Variants in MAP3K15 observed in about 807,000 individuals in gnomAD.
MAP3K15 encodes MAPK/ERK kinase kinase 15.
MAP3K15 carries 124 observed loss-of-function variants against 99.5 expected under a neutral mutation model. The ratio of observed to expected loss-of-function variants is 1.25; its 90% CI spans 1.08 to 1.45. The LOEUF (loss-of-function observed/expected upper bound fraction) is 1.45. Ranked by LOEUF, MAP3K15 falls within the 40% of genes most tolerant of loss-of-function variation. The pLI, the probability that MAP3K15 is intolerant of heterozygous loss-of-function variation, is 0.00. For synonymous variants in MAP3K15, 494 were observed against 439.6 expected (o/e 1.12, Z -1.55); for missense variants, 1,242 against 1,079.7 (o/e 1.15, Z -2.11).
rs1326391653 is a variant in MAP3K15, at chrX:19,413,465, C to G, written c.1591-1G>C. 1.7e-6 allele frequency: 2 copies of G among 1,182,000 alleles called. No homozygotes were observed. Among genetic ancestry groups the G allele is most frequent in the East Asian group, 6.0e-5 (2 of 33,516 alleles). On this transcript the variant is annotated splice_acceptor_variant, in intron 10 of 28. Coordinates refer to ENST00000338883, the MANE Select transcript of MAP3K15 (RefSeq NM_001001671.4). LOFTEE classifies it high-confidence loss of function. ...CTTTGGTTGGCTCTATGACCAGAACCTGAAACAAGAACAGATGCCTGTTAA... is the reference window on the plus strand; with the variant it reads ...CTTTGGTTGGCTCTATGACCAGAACGTGAAACAAGAACAGATGCCTGTTAA...
intron 6 of MAP3K15, among the ~76,000 whole-genome samples, chrX:19,453,500 CAAAAA>C (rs746362628): frequency 1.5e-5 from 1 of 66,810 alleles, no homozygotes. Context: ...CGTCTCAGGC[CAAAAA>C]AAAAAAAAAA....
chrX:19,419,168 A>G lies in MAP3K15; in HGVS notation c.1440-3911T>C, dbSNP rs186105045. On this transcript the variant is annotated intron_variant, in intron 9 of 28. Coordinates refer to ENST00000338883, the MANE Select transcript of MAP3K15 (RefSeq NM_001001671.4). The stretch of plus-strand genomic sequence containing the variant: ...TAACCAGCTAACATCATAATGACAG[A>G]ATCAAATTCACACATAACAATTTTA... 4.5e-3 allele frequency among the ~76,000 whole-genome samples: 507 copies of G among 111,794 alleles called. 7 individuals are homozygous for G. The highest frequency in any genetic ancestry group is 0.035 in the Admixed American group (365 of 10,459).
Position 19,360,518 on chromosome X carries a change from G to T in MAP3K15, c.*231C>A. On this transcript the variant is annotated 3_prime_UTR_variant, in exon 29 of 29. Transcript: ENST00000338883. ...TACAAGTGAATTTCCTAATATTCCGGGAGGTCAAAACCAAGGCTCACTGTT... is the reference window on the plus strand; with the variant it reads ...TACAAGTGAATTTCCTAATATTCCGTGAGGTCAAAACCAAGGCTCACTGTT... 1 of 312,384 alleles carries T rather than the reference G, an allele frequency of 3.2e-6. No homozygotes were observed. The highest frequency in any genetic ancestry group is 5.6e-6 in the Non-Finnish European group (1 of 178,557). 25.7% of individuals were successfully genotyped at this position (312,384 alleles called of 1,213,427 possible).
chrX:19,458,604 T>G (rs1485211919), intron 5 of MAP3K15, among the ~76,000 whole-genome samples: 1 of 111,840 alleles, frequency 8.9e-6, no homozygotes, highest in Non-Finnish European at 1.9e-5. Flanking sequence ...TGCTTGAACC[T>G]GGGAGTCGGA....
Position 19,515,052 on chromosome X carries a change from G to GCT in MAP3K15, c.208_209dup (p.Ser70ArgfsTer57). The GCT allele has an allele frequency of 1.0e-6, 1 of 994,138 alleles. No individual in the cohort carries two copies. Among genetic ancestry groups the GCT allele is most frequent in the Non-Finnish European group, 1.3e-6 (1 of 759,906 alleles). 81.9% of individuals were successfully genotyped at this position (994,138 alleles called of 1,213,427 possible). On this transcript the variant is annotated frameshift_variant, in exon 1 of 29. Transcript: ENST00000338883. LOFTEE classifies it high-confidence loss of function. ...GGCCGCCGGCCGCGCCGCCCTGGGA[G>GCT]CTCTCACTGCGCACGTATACTGCCC...
At chrX:19,482,786 A>T (rs1164130937) in intron 3 of MAP3K15, among the ~76,000 whole-genome samples, 2 of 106,626 alleles carry the variant, frequency 1.9e-5, no homozygotes, top group Non-Finnish European at 2.0e-5. Flanking sequence ...TCAAAAAAAC[A>T]AAACAAAACC....
chrX:19,445,081 C>T (rs895323471), intron 6 of MAP3K15, among the ~76,000 whole-genome samples: 2 of 111,293 alleles, frequency 1.8e-5, no homozygotes, highest in African/African-American at 6.5e-5. Flanking sequence ...CAACACTATA[C>T]AGCCTCAGTT....
rs66666219 is a variant in MAP3K15 at position 19,461,992 on chromosome X, AACACACACAC to A, written c.720-1849_720-1840del. ...GGCGACAGAGTGAGACTTGGTCTAA[AACACACACAC>A]ACACACACACACACACACACACACA... On this transcript the variant is annotated intron_variant, in intron 4 of 28. Transcript: ENST00000338883. Among the ~76,000 whole-genome samples, 106 of 100,627 alleles carry A rather than the reference AACACACACAC, an allele frequency of 1.1e-3. No homozygotes were observed. The South Asian group carries it at 0.016, about 15-fold the overall frequency. The allele number at this position is 100,627 out of a possible 115,157, so 87.4% of individuals were successfully genotyped here.
Position 19,374,527 on chromosome X carries a change from A to C in MAP3K15, c.2723T>G (p.Leu908Ter). The C allele has an allele frequency of 8.3e-7, 1 of 1,211,405 alleles. No homozygotes were observed. Among genetic ancestry groups the C allele is most frequent in the Non-Finnish European group, 1.1e-6 (1 of 895,374 alleles). The part of the protein sequence containing the change: ...TTAELLREGF[L>*]RQVNKGKKNR... Reference sequence around the variant, plus strand: ...CTTCTTGCCCTTGTTCACCTGCCTTAAGAAACCCTCTCTCAGTAGCTCAGC... The same window carrying C: ...CTTCTTGCCCTTGTTCACCTGCCTTCAGAAACCCTCTCTCAGTAGCTCAGC... Residue 908 changes from leucine to a stop codon, truncating the protein, a stop_gained, in exon 20 of 29, where the codon TTA becomes TGA. Coordinates refer to ENST00000338883, the MANE Select transcript of MAP3K15 (RefSeq NM_001001671.4). LOFTEE classifies it high-confidence loss of function.
At chrX:19,486,030 T>C (rs1287868088) in intron 3 of MAP3K15, among the ~76,000 whole-genome samples, 1 of 111,961 alleles carries the variant, frequency 8.9e-6, no homozygotes, top group Non-Finnish European at 1.9e-5. Flanking sequence ...TAGAATTCCA[T>C]CCCACTTCTT....
chrX:19,400,764 C>T (rs1428195098), intron 13 of MAP3K15, 101 bp from the exon 14 acceptor site: 1 of 529,403 alleles, frequency 1.9e-6, no homozygotes, highest in African/African-American at 2.3e-5. Flanking sequence ...ATAAACCAAA[C>T]TTTTACAAGT....
At chrX:19,500,878 C>A (rs1000609244) in intron 1 of MAP3K15, among the ~76,000 whole-genome samples, 3 of 111,874 alleles carry the variant, frequency 2.7e-5, no homozygotes, top group Non-Finnish European at 3.8e-5. Context: ...AATAACACAG[C>A]CAGTAAGGTA....
chrX:19,390,754 G>A (rs765665789), intron 18 of MAP3K15, among the ~76,000 whole-genome samples: 8 of 104,156 alleles, frequency 7.7e-5, no homozygotes, highest in African/African-American at 2.8e-4. Context: ...CGCTGGTCTT[G>A]CACTGCTGGC....
At chrX:19,381,533 C>CGAAGGCTG (rs1294178022) in intron 18 of MAP3K15, among the ~76,000 whole-genome samples, 3 of 111,961 alleles carry the variant, frequency 2.7e-5, no homozygotes, top group Non-Finnish European at 5.6e-5. Context: ...GGTCCTGCTG[C>CGAAGGCTG]GAAGGCTGGA....
chrX:19,412,871 A>G (rs2063699431), intron 11 of MAP3K15, among the ~76,000 whole-genome samples: 1 of 109,890 alleles, frequency 9.1e-6, no homozygotes, highest in Non-Finnish European at 1.9e-5. Flanking sequence ...AGTAGTTGGG[A>G]CTACAGGTGT....
chrX:19,380,168 G>A lies in MAP3K15; in HGVS notation c.2541C>T (p.Ser847=). 1 of 1,203,195 alleles carries A rather than the reference G, an allele frequency of 8.3e-7. No individual in the cohort carries two copies. Among genetic ancestry groups the A allele is most frequent in the Non-Finnish European group, 1.1e-6 (1 of 891,712 alleles). The change falls in exon 19 of 29, where the codon AGC becomes AGT. Residue 847 remains serine (S), a synonymous_variant. Transcript: ENST00000338883. Reference sequence around the variant, plus strand: ...CACCAAGCTCATGGAACGGAGGCTTGCTGGTGGCCATCTCAATGATGGTGC... The same window carrying A: ...CACCAAGCTCATGGAACGGAGGCTTACTGGTGGCCATCTCAATGATGGTGC... ...LGCTIIEMAT[S]KPPFHELGEP...
At chrX:19,405,949 G>C (rs763134147) in intron 13 of MAP3K15, among the ~76,000 whole-genome samples, 1 of 112,049 alleles carries the variant, frequency 8.9e-6, no homozygotes, top group South Asian at 3.7e-4. Context: ...CTAAGAATTT[G>C]AATAGACATT....
intron 16 of MAP3K15, among the ~76,000 whole-genome samples, chrX:19,394,202 TTTAA>T (rs747815671): frequency 4.3e-4 from 48 of 112,078 alleles, no homozygotes; most frequent in Non-Finnish European, 7.7e-4. Flanking sequence ...ATAACTATTA[TTTAA>T]TTAAAGAGTT....
intron 7 of MAP3K15, among the ~76,000 whole-genome samples, chrX:19,429,678 T>C (rs1274400988): frequency 9.5e-6 from 1 of 105,391 alleles, no homozygotes; most frequent in East Asian, 3.0e-4. Flanking sequence ...TCCCTAGGTG[T>C]GAGAGTGGCT....
Sources: allele counts gnomAD v4.1 joint callset (sites outside exome capture counted in the v4.1 genomes callset), GRCh38; gene constraint gnomAD v4.1.1; transcripts MANE v1.5; gene names NCBI Gene and HGNC (gene_info 2026-07-23, HGNC 2026-07-21).